MSRB3: variants seen among roughly 807,000 people sequenced by gnomAD.
MSRB3 encodes methionine sulfoxide reductase B3.
A neutral mutation model predicts 21.0 loss-of-function variants in MSRB3; 13 were observed. The observed-to-expected ratio is 0.62, with a 90% confidence interval of 0.40 to 0.98. The LOEUF (loss-of-function observed/expected upper bound fraction) is 0.98. Among genes scored for constraint, MSRB3 ranks in the 50% least tolerant of loss-of-function variants. The pLI is 0.00. For missense variants in MSRB3, 199 were observed against 230.3 expected (o/e 0.86, Z 0.88); for synonymous variants, 87 against 88.6 (o/e 0.98, Z 0.10).
At chr12:65,429,730 T>C (rs1881786541) in intron 5 of MSRB3, among the ~76,000 whole-genome samples, 1 of 152,172 alleles carries the variant, frequency 6.6e-6, no homozygotes, top group South Asian at 2.1e-4. Context: ...TTGTTTTCAG[T>C]GTTTGGTCTT....
intron 5 of MSRB3, chr12:65,419,546 G>A: frequency 2.7e-6 from 2 of 741,868 alleles, no homozygotes; most frequent in Admixed American, 3.5e-5. Flanking sequence ...TCAGCAGCAA[G>A]ATGGGCATTG....
rs1183521076 is a variant in MSRB3 at position 65,396,698 on chromosome 12, AAAAAAAAAAG to A, written c.292+27676_292+27685del. 5.6e-3 allele frequency among the ~76,000 whole-genome samples: 635 copies of A among 113,466 alleles called. 39 individuals are homozygous for A. The highest frequency in any genetic ancestry group is 0.018 in the African/African-American group (532 of 29,812). 74.4% of individuals were successfully genotyped at this position (113,466 alleles called of 152,430 possible). A position where few individuals can be genotyped will look rare whatever the true frequency, so the allele number is the denominator to read the frequency against. On this transcript the variant is annotated intron_variant, in intron 5 of 6. Coordinates refer to ENST00000308259, the MANE Select transcript of MSRB3 (RefSeq NM_001031679.3). ...AAGAGTGAAACTCCATCTCAAAAAA[AAAAAAAAAAG>A]AAAGAAAGAAAGAAAGAAAGAAAGA...
intron 5 of MSRB3, among the ~76,000 whole-genome samples, chr12:65,371,277 G>A (rs560195499): frequency 5.7e-4 from 72 of 125,668 alleles, no homozygotes; most frequent in African/African-American, 2.1e-3. Context: ...GCAGTGAGCC[G>A]AAATTCTGCC....
intron 5 of MSRB3, chr12:65,419,165 A>G (rs1416506586): frequency 1.6e-5 from 11 of 689,160 alleles, no homozygotes; most frequent in Non-Finnish European, 2.9e-5. Flanking sequence ...ACCTTGGCCA[A>G]CTGCATGGTG....
At chr12:65,419,558 C>A in intron 5 of MSRB3, 2 of 737,648 alleles carry the variant, frequency 2.7e-6, no homozygotes, top group Admixed American at 1.7e-5. Flanking sequence ...TGGGCATTGT[C>A]GATCTGCAGA....
chr12:65,288,928 G>T (rs1019943179), intron 1 of MSRB3, among the ~76,000 whole-genome samples: 1 of 152,040 alleles, frequency 6.6e-6, no homozygotes, highest in African/African-American at 2.4e-5. Flanking sequence ...TTTTATGAGA[G>T]AATATTTTAT....
intron 5 of MSRB3, among the ~76,000 whole-genome samples, chr12:65,408,500 A>T (rs150407166): frequency 2.6e-5 from 4 of 152,320 alleles, no homozygotes; most frequent in African/African-American, 9.6e-5. Flanking sequence ...GACTGCATTT[A>T]CTATTTTCTG....
At chr12:65,351,104 C>G (rs1433915397) in intron 4 of MSRB3, among the ~76,000 whole-genome samples, 1 of 152,130 alleles carries the variant, frequency 6.6e-6, no homozygotes, top group Non-Finnish European at 1.5e-5. Context: ...GAAATTATAA[C>G]AAACTATCTC....
At chr12:65,377,004 T>C (rs1878662339) in intron 5 of MSRB3, among the ~76,000 whole-genome samples, 1 of 152,194 alleles carries the variant, frequency 6.6e-6, no homozygotes, top group Non-Finnish European at 1.5e-5. Flanking sequence ...GATTCAAATG[T>C]TTGTTTTCTC....
At chr12:65,345,835 G>T (rs867498124) in intron 4 of MSRB3, among the ~76,000 whole-genome samples, 2 of 151,978 alleles carry the variant, frequency 1.3e-5, no homozygotes, top group African/African-American at 4.8e-5. Context: ...TGTGGTGTTT[G>T]GTTTTTTTGT....
intron 5 of MSRB3, among the ~76,000 whole-genome samples, chr12:65,376,801 C>T (rs951012810): frequency 6.6e-6 from 1 of 152,088 alleles, no homozygotes; most frequent in Admixed American, 6.5e-5. Flanking sequence ...GCATGTTCTG[C>T]ACATTTATCC....
intron 5 of MSRB3, among the ~76,000 whole-genome samples, chr12:65,397,535 T>C (rs1055530789): frequency 3.9e-5 from 6 of 152,218 alleles, no homozygotes; most frequent in Admixed American, 2.6e-4. Context: ...TTGAGCATTT[T>C]GTATGATTCC....
At chr12:65,345,832 T>C (rs534643855) in intron 4 of MSRB3, among the ~76,000 whole-genome samples, 186 of 152,192 alleles carry the variant, frequency 1.2e-3, no homozygotes, top group African/African-American at 4.3e-3. Flanking sequence ...ACATGTGGTG[T>C]TTGGTTTTTT....
In MSRB3 at chr12:65,355,183, T is replaced by G. The variant is rs116970507; in HGVS notation, c.264-13815T>G. ...ATAATTGTGTTAGATTTTTTTAGAT[T>G]AATAATTGTCAATCTATGAGATTAG... On this transcript the variant is annotated intron_variant, in intron 4 of 6. Transcript: ENST00000308259. Among the ~76,000 whole-genome samples the G allele has an allele frequency of 1.0e-3, 155 of 152,008 alleles. 1 individual carries two copies. In the East Asian group the frequency reaches 0.028, roughly 28 times the overall value.
intron 1 of MSRB3, among the ~76,000 whole-genome samples, chr12:65,302,156 ATATT>A (rs1418922526): frequency 2.6e-5 from 4 of 152,142 alleles, no homozygotes; most frequent in Non-Finnish European, 4.4e-5. Context: ...GTAAATATTG[ATATT>A]TATAATCATG....
chr12:65,278,844 G>T lies in MSRB3; in HGVS notation c.-73G>T. On this transcript the variant is annotated 5_prime_UTR_variant, in exon 1 of 7. Coordinates refer to ENST00000308259, the MANE Select transcript of MSRB3 (RefSeq NM_001031679.3). The stretch of plus-strand genomic sequence containing the variant: ...CTGCCTCTGCCTCTGCCTGGCCGCG[G>T]CTCTGGGAAGTGCGCAGTCCGGTAA... 1 of 1,563,592 alleles carries T rather than the reference G, an allele frequency of 6.4e-7. No homozygotes were observed. Among genetic ancestry groups the T allele is most frequent in the Non-Finnish European group, 8.7e-7 (1 of 1,153,856 alleles).
At chr12:65,340,673 A>G (rs1156929632) in intron 4 of MSRB3, among the ~76,000 whole-genome samples, 1 of 152,160 alleles carries the variant, frequency 6.6e-6, no homozygotes, top group Non-Finnish European at 1.5e-5. Context: ...AATAAAGTTG[A>G]CCATTTCTGT....
intron 2 of MSRB3, among the ~76,000 whole-genome samples, chr12:65,315,822 G>C (rs1450309891): frequency 6.6e-6 from 1 of 151,726 alleles, no homozygotes; most frequent in Non-Finnish European, 1.5e-5. Flanking sequence ...TTATTATATT[G>C]AGCCACATAG....
chr12:65,327,064 C>T (rs771033302), intron 3 of MSRB3, 130 bp downstream of exon 3: 2 of 720,272 alleles, frequency 2.8e-6, no homozygotes, highest in Non-Finnish European at 4.9e-6. Context: ...AATTAGTATC[C>T]TTGAAAAGGT....
Sources: allele counts gnomAD v4.1 joint callset (sites outside exome capture counted in the v4.1 genomes callset), GRCh38; gene constraint gnomAD v4.1.1; transcripts MANE v1.5; gene names NCBI Gene and HGNC (gene_info 2026-07-23, HGNC 2026-07-21).